Variants in PHF19 observed in about 807,000 individuals in gnomAD.
PHF19 encodes the protein PHD finger protein 19.
In PHF19, 21 loss-of-function variants were observed where a neutral mutation model predicts 79.8. The ratio of observed to expected loss-of-function variants is 0.26; its 90% confidence interval spans 0.19 to 0.38. The LOEUF is 0.38. Ranked by LOEUF, PHF19 falls within the 10% of genes least tolerant of loss-of-function variation. The pLI is 1.00. For synonymous variants in PHF19, 273 were observed against 296.3 expected (o/e 0.92, Z 0.81); for missense variants, 445 against 744.2 (o/e 0.60, Z 4.68).
chr9:120,861,062 C>A, intron 13 of PHF19, 27 bp downstream of exon 13: 1 of 1,297,736 alleles, frequency 7.7e-7, no homozygotes, highest in Middle Eastern at 1.9e-4. Flanking sequence ...CCAGAGCAGA[C>A]CTCTGTGCTA....
At chr9:120,865,634 C>A in intron 9 of PHF19, 76 bp downstream of exon 9, 1 of 1,558,572 alleles carries the variant, frequency 6.4e-7, no homozygotes, top group Non-Finnish European at 8.8e-7. Context: ...CAGAGACTTC[C>A]ATCCTAGTCC....
At chr9:120,858,380 G>T in intron 14 of PHF19, 94 bp from the exon 15 acceptor site, 1 of 976,788 alleles carries the variant, frequency 1.0e-6, no homozygotes, top group Non-Finnish European at 1.4e-6. Context: ...TACCAGGAAA[G>T]TGGAAGAGAA....
Position 120,869,115 on chromosome 9 carries a change from G to C in PHF19, c.614+67C>G. The C allele has an allele frequency of 6.7e-7, 1 of 1,500,954 alleles. No homozygotes were observed. The highest frequency in any genetic ancestry group is 9.0e-7 in the Non-Finnish European group (1 of 1,116,030). 93.0% of individuals were successfully genotyped at this position (1,500,954 alleles called of 1,614,324 possible). ...GACACGCCAGGCTCGCTCCCTATGGGCGGTCCCTGCTGGCGATTCTTGGAG... is the reference window on the plus strand; with the variant it reads ...GACACGCCAGGCTCGCTCCCTATGGCCGGTCCCTGCTGGCGATTCTTGGAG... On this transcript the variant is annotated intron_variant, in intron 6 of 14. Coordinates refer to ENST00000373896, the MANE Select transcript of PHF19 (RefSeq NM_015651.3). This position sits in a 1 kb window ranked among gnomAD's most constrained non-coding sequence, Gnocchi z 5.8.
chr9:120,891,133 A>C lies in PHF19; in HGVS notation c.42+3655T>G, dbSNP rs923699764. The stretch of plus-strand genomic sequence containing the variant: ...CTCCTGCAGGGGTGGGGAGAGATTG[A>C]GCCCCCAGGGCTGGGTTAGGTATCC... On this transcript the variant is annotated intron_variant, in intron 1 of 14. Coordinates refer to the PHF19 transcript ENST00000616568. The surrounding 1 kb of genome is among the most constrained non-coding windows in gnomAD (Gnocchi z 4.3). 6.6e-6 allele frequency among the ~76,000 whole-genome samples: 1 copy of C among 152,126 alleles called. No homozygotes were observed. Among genetic ancestry groups the C allele is most frequent in the Non-Finnish European group, 1.5e-5 (1 of 68,022 alleles).
At chr9:120,897,764 A>G (rs1588144112), upstream of PHF19, among the ~76,000 whole-genome samples, 1 of 152,014 alleles carries the variant, frequency 6.6e-6, no homozygotes, top group East Asian at 1.9e-4. Flanking sequence ...GGATCACTTG[A>G]GGTCAGGATT....
upstream of PHF19, among the ~76,000 whole-genome samples, chr9:120,896,458 T>C (rs1468378462): frequency 1.4e-5 from 2 of 143,936 alleles, no homozygotes; most frequent in Non-Finnish European, 3.1e-5. Flanking sequence ...TTTCTTTTTT[T>C]TTTTTTTTTT....
chr9:120,868,921 CT>C (rs988689673), intron 6 of PHF19: 1 of 798,968 alleles, frequency 1.3e-6, no homozygotes, highest in African/African-American at 1.9e-5. Context: ...CAGGTCCAAT[CT>C]TCCGGGCCCA....
Position 120,856,867 on chromosome 9 carries a change from C to G in PHF19, c.*1077G>C, listed in dbSNP as rs948426187. 1.3e-5 allele frequency: 2 copies of G among 152,738 alleles called. No individual in the cohort carries two copies. The highest frequency in any genetic ancestry group is 2.9e-5 in the Non-Finnish European group (2 of 68,144). The allele number at this position is 152,738 out of a possible 1,614,324, so 9.5% of individuals were successfully genotyped here. On this transcript the variant is annotated 3_prime_UTR_variant, in exon 15 of 15. Transcript: ENST00000373896. ...TGAGCTTTCACATTTAGTTGCAGCA[C>G]CTGGGCCCTGGAAGTGGGCCAAGGG...
At position 120,869,706 on chromosome 9, in the gene PHF19, C is replaced by G. The variant is rs907158056; in HGVS notation, c.465+139G>C. On this transcript the variant is annotated intron_variant, in intron 5 of 14. Coordinates refer to ENST00000373896, the MANE Select transcript of PHF19 (RefSeq NM_015651.3). The surrounding 1 kb of genome is among the most constrained non-coding windows in gnomAD (Gnocchi z 5.8). ...GGAGTCTACAAATCCTGGCCAAGGA[C>G]AGTGGCAGAGGCGCTATCTGTCTCC... is the stretch of plus-strand genomic sequence containing the variant. 6.4e-7 allele frequency: 1 copy of G among 1,555,016 alleles called. No individual in the cohort carries two copies. Among genetic ancestry groups the G allele is most frequent in the African/African-American group, 1.4e-5 (1 of 73,358 alleles).
At chr9:120,892,397 C>T (rs549827092) in intron 1 of PHF19, among the ~76,000 whole-genome samples, 3 of 152,222 alleles carry the variant, frequency 2.0e-5, no homozygotes, top group South Asian at 2.1e-4. Flanking sequence ...TTGTGCCGTA[C>T]GTGCAATTGG....
Position 120,874,458 on chromosome 9 carries a change from C to T in PHF19, c.186+98G>A, listed in dbSNP as rs1188890540. The T allele has an allele frequency of 1.2e-6, 1 of 812,868 alleles. No individual in the cohort carries two copies. The highest frequency in any genetic ancestry group is 2.4e-5 in the Admixed American group (1 of 42,366). The allele number at this position is 812,868 out of a possible 1,614,324, so 50.4% of individuals were successfully genotyped here. On this transcript the variant is annotated intron_variant, in intron 2 of 14. Coordinates refer to ENST00000373896, the MANE Select transcript of PHF19 (RefSeq NM_015651.3). This position sits in a 1 kb window ranked among gnomAD's most constrained non-coding sequence, Gnocchi z 4.5. ...GGGCATGAGGGACAAGAAGGGAATT[C>T]TCCAGCAATCCCCCTGCCCCCTGGT...
At chr9:120,885,755 G>C (rs930180653) in intron 1 of PHF19, among the ~76,000 whole-genome samples, 1 of 152,122 alleles carries the variant, frequency 6.6e-6, no homozygotes, top group African/African-American at 2.4e-5. Flanking sequence ...CAGTCCTCTT[G>C]AGTTTTTTAA....
Position 120,860,645 on chromosome 9 carries a change from T to G in PHF19, c.1304+444A>C, listed in dbSNP as rs183979729. On this transcript the variant is annotated intron_variant, in intron 13 of 14. Coordinates refer to ENST00000373896, the MANE Select transcript of PHF19 (RefSeq NM_015651.3). This position sits in a 1 kb window ranked among gnomAD's most constrained non-coding sequence, Gnocchi z 4.1. ...AAAATACTAAATGACCTTTAATAAT[T>G]TGGAAAATAAAATGATGGAAGATGC... 9.1e-6 allele frequency: 2 copies of G among 220,520 alleles called. No individual in the cohort carries two copies. Among genetic ancestry groups the G allele is most frequent in the South Asian group, 7.3e-5 (1 of 13,608 alleles). The allele number at this position is 220,520 out of a possible 1,614,324, so 13.7% of individuals were successfully genotyped here.
the PHF19 span, chr9:120,902,361 C>T: frequency 3.3e-5 from 5 of 152,148 alleles, no homozygotes; most frequent in Non-Finnish European, 7.3e-5. Context: ...ACCCTTGAAT[C>T]ACCTGTAAAA....
chr9:120,890,106 A>G (rs1423722389), intron 1 of PHF19, among the ~76,000 whole-genome samples: 1 of 152,236 alleles, frequency 6.6e-6, no homozygotes, highest in Non-Finnish European at 1.5e-5. Flanking sequence ...GCCCAGTTCA[A>G]GACCTGGCAC....
rs1245421385 is a variant in PHF19, at chr9:120,891,613, C to T, written c.42+3175G>A. ...CCCAGCCACTTAGAGGAGCTGCACT[C>T]CAGGCACCTCGGGGAGTATAACCTT... On this transcript the variant is annotated intron_variant, in intron 1 of 14. Transcript: ENST00000616568. The surrounding 1 kb of genome is among the most constrained non-coding windows in gnomAD (Gnocchi z 4.3). 6.6e-6 allele frequency among the ~76,000 whole-genome samples: 1 copy of T among 152,218 alleles called. No individual in the cohort carries two copies. Among genetic ancestry groups the T allele is most frequent in the Non-Finnish European group, 1.5e-5 (1 of 68,042 alleles).
chr9:120,882,699 G>A (rs1452893279), intron 1 of PHF19, among the ~76,000 whole-genome samples: 1 of 151,912 alleles, frequency 6.6e-6, no homozygotes, highest in South Asian at 2.1e-4. Context: ...AAAATTAGTC[G>A]TGCATGGTGG....
At chr9:120,887,569 C>T (rs950708016) in intron 1 of PHF19, among the ~76,000 whole-genome samples, 2 of 151,704 alleles carry the variant, frequency 1.3e-5, no homozygotes, top group Admixed American at 6.6e-5. Flanking sequence ...TTGGACTTGC[C>T]AGCTCCCACA....
rs1298825121 is a variant in PHF19, at chr9:120,856,691, C to G, written c.*1253G>C. On this transcript the variant is annotated 3_prime_UTR_variant, in exon 15 of 15. Transcript: ENST00000373896. ...TGGCAAGGGCTTCCCTTTGAGGGAA[C>G]CAAATGATGCAGGCTCTTTAAAAAT... is the stretch of plus-strand genomic sequence containing the variant. The G allele has an allele frequency of 1.3e-5, 2 of 152,624 alleles. No individual in the cohort carries two copies. The highest frequency in any genetic ancestry group is 1.9e-4 in the East Asian group (1 of 5,198). 9.5% of individuals were successfully genotyped at this position (152,624 alleles called of 1,614,324 possible).
Sources: gnomAD v4.1 joint callset for allele counts (sites outside exome capture counted in the v4.1 genomes callset) on GRCh38, gnomAD v4.1.1 for gene constraint, Gnocchi (gnomAD v3.1) non-coding constraint, MANE v1.5 for transcripts, NCBI Gene and HGNC (gene_info 2026-07-23, HGNC 2026-07-21) for gene names.